MRPS31: variants seen among roughly 807,000 people sequenced by gnomAD.
The protein encoded by MRPS31 is mitochondrial ribosomal protein S31.
A neutral mutation model predicts 43.1 loss-of-function variants in MRPS31; 32 were observed. The observed-to-expected ratio is 0.74, with a 90% confidence interval of 0.56 to 1.00. The LOEUF (loss-of-function observed/expected upper bound fraction) is 1.00. Ranked by LOEUF, MRPS31 falls within the 50% of genes least tolerant of loss-of-function variation. The probability of loss-of-function intolerance (pLI) is 0.00; values close to 1 mark genes in which losing one functional copy is unlikely to be tolerated. For synonymous variants in MRPS31, 165 were observed against 161.6 expected, an observed-to-expected ratio of 1.02 and a Z score of -0.16; for missense variants, 437 against 466.7, an observed-to-expected ratio of 0.94 and a Z score of 0.59.
At chr13:40,760,612 CTATT>C (rs1323050940) in intron 2 of MRPS31, among the ~76,000 whole-genome samples, 1 of 149,678 alleles carries the variant, frequency 6.7e-6, no homozygotes, top group African/African-American at 2.5e-5. Context: ...AGAAAATAAA[CTATT>C]TACAACATTT....
intron 4 of MRPS31, among the ~76,000 whole-genome samples, chr13:40,756,208 C>G (rs1880522117): frequency 6.6e-6 from 1 of 152,204 alleles, no homozygotes; most frequent in African/African-American, 2.4e-5. Flanking sequence ...TAATTTTTGT[C>G]AGACCATGCC....
chr13:40,743,503 A>C (rs1485771680), intron 6 of MRPS31, among the ~76,000 whole-genome samples: 1 of 152,194 alleles, frequency 6.6e-6, no homozygotes, highest in Non-Finnish European at 1.5e-5. Context: ...ACAATTGAAG[A>C]AGCAAAAAAC....
At chr13:40,765,680 G>C (rs1026434971) in intron 2 of MRPS31, among the ~76,000 whole-genome samples, 30 of 152,232 alleles carry the variant, frequency 2.0e-4, no homozygotes, top group African/African-American at 7.2e-4. Context: ...TAGAAACCAA[G>C]AAGTTCCATT....
chr13:40,732,325 T>A (rs1879722015), intron 6 of MRPS31, among the ~76,000 whole-genome samples: 1 of 152,130 alleles, frequency 6.6e-6, no homozygotes, highest in Non-Finnish European at 1.5e-5. Context: ...AAACAAACAT[T>A]CAAAGAACAG....
intron 5 of MRPS31, among the ~76,000 whole-genome samples, chr13:40,752,103 A>C (rs1880406441): frequency 1.3e-5 from 2 of 151,730 alleles, no homozygotes; most frequent in Admixed American, 6.6e-5. Context: ...GGCTCACTGC[A>C]ACCTCCGCCT....
intron 2 of MRPS31, among the ~76,000 whole-genome samples, chr13:40,764,515 T>C (rs1315862928): frequency 6.6e-6 from 1 of 152,196 alleles, no homozygotes; most frequent in East Asian, 1.9e-4. Context: ...AAAACAAATA[T>C]CCCAGGAAAA....
intron 6 of MRPS31, among the ~76,000 whole-genome samples, chr13:40,738,613 G>C (rs1308684220): frequency 6.6e-6 from 1 of 152,092 alleles, no homozygotes; most frequent in African/African-American, 2.4e-5. Flanking sequence ...CTTCATCCCT[G>C]GGATGCAAGG....
intron 1 of MRPS31, among the ~76,000 whole-genome samples, chr13:40,769,419 T>TA (rs869166562): frequency 9.4e-6 from 1 of 106,860 alleles, no homozygotes; most frequent in Non-Finnish European, 1.8e-5. Flanking sequence ...TATATATATA[T>TA]ATTATCAAGT....
At chr13:40,759,432 T>C (rs1292407185) in intron 2 of MRPS31, among the ~76,000 whole-genome samples, 1 of 151,926 alleles carries the variant, frequency 6.6e-6, no homozygotes, top group Non-Finnish European at 1.5e-5. Flanking sequence ...AGCGAGACTC[T>C]GTCTCAAAAA....
chr13:40,749,353 C>T, intron 5 of MRPS31, 72 bp from the exon 6 acceptor site: 2 of 1,218,630 alleles, frequency 1.6e-6, no homozygotes, highest in Non-Finnish European at 2.2e-6. Flanking sequence ...ACAACCAATC[C>T]TGAATTGACC....
At chr13:40,737,849 T>C (rs56054144) in intron 6 of MRPS31, among the ~76,000 whole-genome samples, 4 of 151,502 alleles carry the variant, frequency 2.6e-5, no homozygotes, top group Non-Finnish European at 5.9e-5. Context: ...AGATCCAAAA[T>C]TGACACCCTA....
At chr13:40,731,656 T>C (rs958340385) in intron 6 of MRPS31, among the ~76,000 whole-genome samples, 3 of 151,874 alleles carry the variant, frequency 2.0e-5, no homozygotes, top group Non-Finnish European at 2.9e-5. Context: ...AATAATACTT[T>C]AAATGTAAAT....
At chr13:40,769,242 G>C (rs1041381021) in intron 1 of MRPS31, among the ~76,000 whole-genome samples, 2 of 151,104 alleles carry the variant, frequency 1.3e-5, no homozygotes, top group South Asian at 4.2e-4. Flanking sequence ...CAGGTGTGGT[G>C]GTGGGTGCCT....
intron 6 of MRPS31, among the ~76,000 whole-genome samples, chr13:40,736,151 C>T (rs1165954965): frequency 2.3e-4 from 34 of 149,980 alleles, no homozygotes; most frequent in Admixed American, 5.3e-4. Flanking sequence ...CCTCAGGAGC[C>T]GATGCGATCA....
intron 1 of MRPS31, among the ~76,000 whole-genome samples, chr13:40,768,598 T>C (rs1191623929): frequency 6.6e-6 from 1 of 152,082 alleles, no homozygotes; most frequent in Non-Finnish European, 1.5e-5. Context: ...GGTTTCGCCA[T>C]GTTGCCCAGG....
rs1880376338 is a variant in MRPS31, at chr13:40,750,993, C to T, written c.815-1712G>A. 2.0e-5 allele frequency among the ~76,000 whole-genome samples: 3 copies of T among 151,898 alleles called. No homozygotes were observed. The South Asian group carries it at 6.2e-4, about 31-fold the overall frequency. ...ACCTCTTTACCCACTTTTGCCAAGC[C>T]CCCACTAAAGCATATCAACAAATAG... On this transcript the variant is annotated intron_variant, in intron 5 of 6. Transcript: ENST00000323563.
At chr13:40,737,567 C>T (rs145314016) in intron 6 of MRPS31, among the ~76,000 whole-genome samples, 5 of 151,798 alleles carry the variant, frequency 3.3e-5, no homozygotes, top group Non-Finnish European at 2.9e-5. Flanking sequence ...AAAGAACAGA[C>T]ATTATAACAA....
chr13:40,770,794 C>T, intron 1 of MRPS31, 191 bp downstream of exon 1: 1 of 652,920 alleles, frequency 1.5e-6, no homozygotes, highest in Non-Finnish European at 2.6e-6. Context: ...TAGTAGAGCA[C>T]AGCGACCAGG....
chr13:40,766,034 A>T (rs1880835396), intron 2 of MRPS31, among the ~76,000 whole-genome samples: 1 of 152,256 alleles, frequency 6.6e-6, no homozygotes, highest in Non-Finnish European at 1.5e-5. Context: ...ACTTTATTCC[A>T]GAAATCTTTA....
Sources: gnomAD v4.1 joint callset for allele counts (sites outside exome capture counted in the v4.1 genomes callset) on GRCh38, gnomAD v4.1.1 for gene constraint, MANE v1.5 for transcripts, NCBI Gene and HGNC (gene_info 2026-07-23, HGNC 2026-07-21) for gene names.